The following MAMDC2 variants were observed in gnomAD, a reference collection of about 807,000 sequenced individuals.
MAMDC2 encodes the protein MAM domain-containing protein 2.
MAMDC2 carries 57 observed loss-of-function variants against 89.8 expected under a neutral mutation model. The ratio of observed to expected loss-of-function variants is 0.63; its 90% confidence interval spans 0.51 to 0.79. The LOEUF (loss-of-function observed/expected upper bound fraction) is 0.79, where lower values mean the gene tolerates loss of function less well. MAMDC2 is among the 30% of genes least tolerant of loss of function. The pLI is 0.00. For missense variants in MAMDC2, 800 were observed against 820.6 expected (o/e 0.97, Z 0.31); for synonymous variants, 313 against 293.4 (o/e 1.07, Z -0.68).
chr9:70,215,567 A>G (rs1170826827), intron 11 of MAMDC2, among the ~76,000 whole-genome samples: 1 of 152,250 alleles, frequency 6.6e-6, no homozygotes, highest in Non-Finnish European at 1.5e-5. Context: ...CTGCACTGAA[A>G]TATATGTAGT....
intron 11 of MAMDC2, among the ~76,000 whole-genome samples, chr9:70,183,481 GTC>G (rs1249969204): frequency 6.6e-6 from 1 of 152,160 alleles, no homozygotes; most frequent in Non-Finnish European, 1.5e-5. Flanking sequence ...GTGAGTCTAA[GTC>G]TCTTTGTATG....
At chr9:70,071,027 C>T (rs985882709) in intron 2 of MAMDC2, among the ~76,000 whole-genome samples, 9 of 152,042 alleles carry the variant, frequency 5.9e-5, no homozygotes, top group Admixed American at 4.6e-4. Context: ...AAATATCCAC[C>T]GTCCAGAACT....
chr9:70,080,622 A>G (rs1827632121), intron 2 of MAMDC2, among the ~76,000 whole-genome samples: 1 of 152,140 alleles, frequency 6.6e-6, no homozygotes, highest in South Asian at 2.1e-4. Flanking sequence ...CCGTGTGTGT[A>G]TTTGGGAGTA....
intron 11 of MAMDC2, among the ~76,000 whole-genome samples, chr9:70,184,813 A>G (rs1368697782): frequency 6.6e-6 from 1 of 151,898 alleles, no homozygotes; most frequent in Non-Finnish European, 1.5e-5. Context: ...GCTTCCTTGC[A>G]TTGGGTTAGA....
intron 9 of MAMDC2, chr9:70,153,916 G>A (rs1254687787): frequency 6.6e-6 from 1 of 152,140 alleles, no homozygotes; most frequent in Non-Finnish European, 1.5e-5. Flanking sequence ...TGTCAGATGA[G>A]TTTGCAGAAC....
At chr9:70,152,384 C>A (rs1013232007) in intron 9 of MAMDC2, among the ~76,000 whole-genome samples, 1 of 152,088 alleles carries the variant, frequency 6.6e-6, no homozygotes. Flanking sequence ...TTGTTGAACA[C>A]TCTCCAGCAC....
intron 7 of MAMDC2, among the ~76,000 whole-genome samples, chr9:70,134,293 C>A (rs1174168599): frequency 3.5e-5 from 5 of 143,458 alleles, no homozygotes; most frequent in African/African-American, 5.2e-5. Flanking sequence ...AACTGCCCCC[C>A]ACACCCGGTG....
intron 2 of MAMDC2, among the ~76,000 whole-genome samples, chr9:70,049,656 AC>A (rs1826844570): frequency 6.6e-6 from 1 of 152,126 alleles, no homozygotes; most frequent in Non-Finnish European, 1.5e-5. Context: ...TACAATCCCC[AC>A]ATTGTATGGG....
intron 2 of MAMDC2, among the ~76,000 whole-genome samples, chr9:70,099,459 C>T (rs1828107108): frequency 6.6e-6 from 1 of 152,136 alleles, no homozygotes; most frequent in Non-Finnish European, 1.5e-5. Context: ...GGCATCTTCT[C>T]TCCACGATAG....
At chr9:70,118,819 G>T in intron 5 of MAMDC2, among the ~76,000 whole-genome samples, 1 of 152,206 alleles carries the variant, frequency 6.6e-6, no homozygotes, top group East Asian at 1.9e-4. Flanking sequence ...GAGAGTGCTA[G>T]TCTTTGTGTT....
chr9:70,176,420 G>A (rs1003289684), intron 11 of MAMDC2, among the ~76,000 whole-genome samples: 1 of 152,118 alleles, frequency 6.6e-6, no homozygotes, highest in Admixed American at 6.5e-5. Flanking sequence ...GCTGCCTCGG[G>A]TTATACTTCA....
At chr9:70,177,965 A>C (rs1927139) in intron 11 of MAMDC2, among the ~76,000 whole-genome samples, 98,778 of 152,088 alleles carry the variant, frequency 0.65, 32,615 homozygotes, top group Admixed American at 0.71. Flanking sequence ...AAACATCTAA[A>C]CTTTTTCTGA....
At position 70,044,615 on chromosome 9, in the gene MAMDC2, C is replaced by G. The variant is rs199910536; in HGVS notation, c.66C>G (p.Pro22=). ...ALQLAGALDL[P]AGSCAFEEST... ...AGCTCGCCGGTGCCCTCGACCTGCCCGCTGGGTCCTGTGCCTTTGAAGAGA... is the reference window on the plus strand; with the variant it reads ...AGCTCGCCGGTGCCCTCGACCTGCCGGCTGGGTCCTGTGCCTTTGAAGAGA... Residue 22 remains proline (P), a synonymous_variant, in exon 2 of 14, where the codon CCC becomes CCG. Coordinates refer to ENST00000377182, the MANE Select transcript of MAMDC2 (RefSeq NM_153267.5). 1 of 1,551,108 alleles carries G rather than the reference C, an allele frequency of 6.4e-7. No homozygotes were observed. Among genetic ancestry groups the G allele is most frequent in the South Asian group, 1.2e-5 (1 of 84,024 alleles).
chr9:70,122,950 T>C (rs1416686932), intron 5 of MAMDC2, among the ~76,000 whole-genome samples: 1 of 152,102 alleles, frequency 6.6e-6, no homozygotes, highest in Non-Finnish European at 1.5e-5. Context: ...GGTCACTGCC[T>C]GGGAGCAGCC....
intron 9 of MAMDC2, among the ~76,000 whole-genome samples, chr9:70,144,590 G>A (rs984652132): frequency 5.3e-5 from 8 of 152,182 alleles, no homozygotes; most frequent in African/African-American, 1.7e-4. Flanking sequence ...GTATCCTGTC[G>A]TGTAAGAAAG....
rs377639263 is a variant in MAMDC2, at chr9:70,142,770, G to T, written c.1139-784G>T. On this transcript the variant is annotated intron_variant, in intron 8 of 13. Transcript: ENST00000377182. Reference sequence around the variant, plus strand: ...TTAAATAACTGGGTAAAACTAAACTGTATACAAAGACTGAGGCACCCAAAA... The same window carrying T: ...TTAAATAACTGGGTAAAACTAAACTTTATACAAAGACTGAGGCACCCAAAA... 1.8e-4 allele frequency among the ~76,000 whole-genome samples: 28 copies of T among 152,202 alleles called. 2 individuals are homozygous for T. The highest frequency in any genetic ancestry group is 6.5e-4 in the African/African-American group (27 of 41,524).
At chr9:70,109,427 G>T (rs937901513) in intron 3 of MAMDC2, 1 of 342,770 alleles carries the variant, frequency 2.9e-6, no homozygotes, top group Non-Finnish European at 5.2e-6. Context: ...GTGGTGGTTG[G>T]GATAGCAAGA....
chr9:70,215,194 T>C (rs1422115809), intron 11 of MAMDC2, among the ~76,000 whole-genome samples: 1 of 152,194 alleles, frequency 6.6e-6, no homozygotes, highest in African/African-American at 2.4e-5. Flanking sequence ...AGCAGGAGAA[T>C]ACAGTGTCTT....
intron 11 of MAMDC2, among the ~76,000 whole-genome samples, chr9:70,204,927 G>A (rs2094399): frequency 0.069 from 10,479 of 152,190 alleles, 573 homozygotes; most frequent in East Asian, 0.22. Flanking sequence ...CGCATGGTGC[G>A]CACACCCACT....
Sources: gnomAD v4.1 joint callset for allele counts (sites outside exome capture counted in the v4.1 genomes callset) on GRCh38, gnomAD v4.1.1 for gene constraint, MANE v1.5 for transcripts, NCBI Gene and HGNC (gene_info 2026-07-23, HGNC 2026-07-21) for gene names.